The following LRP1B variants were observed in gnomAD, a reference collection of about 807,000 sequenced individuals.
LRP1B encodes LDL receptor related protein 1B.
Under a neutral mutation model 556.6 loss-of-function variants are expected in LRP1B, and 217 were observed. That is an observed-to-expected ratio of 0.39 (90% CI 0.35 to 0.44). The LOEUF is 0.44. LRP1B is among the 20% of genes least tolerant of loss of function. The pLI is 1.00. For missense variants in LRP1B, 5,053 were observed against 5,620.8 expected, an observed-to-expected ratio of 0.90 and a Z score of 3.23; for synonymous variants, 2,047 against 1,865.8, an observed-to-expected ratio of 1.10 and a Z score of -2.50.
intron 22 of LRP1B, among the ~76,000 whole-genome samples, chr2:140,905,195 T>C (rs1202344244): frequency 6.6e-6 from 1 of 152,004 alleles, no homozygotes; most frequent in Non-Finnish European, 1.5e-5. Context: ...GCACAAATGA[T>C]TTCATCCTGC....
intron 1 of LRP1B, among the ~76,000 whole-genome samples, chr2:142,072,595 ATTTT>A (rs371199816): frequency 6.6e-6 from 1 of 151,714 alleles, no homozygotes; most frequent in African/African-American, 2.4e-5. Context: ...GATTTTTGTG[ATTTT>A]TTTTGTTTAG....
At chr2:141,327,520 C>A (rs1687469370) in intron 3 of LRP1B, among the ~76,000 whole-genome samples, 1 of 152,092 alleles carries the variant, frequency 6.6e-6, no homozygotes, top group African/African-American at 2.4e-5. Context: ...GATTCAAATC[C>A]ACATCTATAT....
At chr2:141,059,309 C>G (rs984867863) in intron 8 of LRP1B, among the ~76,000 whole-genome samples, 5 of 151,574 alleles carry the variant, frequency 3.3e-5, no homozygotes, top group African/African-American at 1.2e-4. Flanking sequence ...ATTAAGAGAG[C>G]ATATTTAGTA....
rs552034984 is a variant in LRP1B at position 141,360,433 on chromosome 2, C to G, written c.344-105792G>C. 2.3e-3 allele frequency among the ~76,000 whole-genome samples: 348 copies of G among 152,238 alleles called. 1 individual carries two copies. The highest frequency in any genetic ancestry group is 7.6e-3 in the African/African-American group (315 of 41,540). ...TTGATACTTTTGTATAAACATGTAC[C>G]TATGAAAATATACAGAATGGATATG... On this transcript the variant is annotated intron_variant, in intron 3 of 90. Coordinates refer to ENST00000389484, the MANE Select transcript of LRP1B (RefSeq NM_018557.3).
At chr2:141,644,660 T>C (rs902792710) in intron 2 of LRP1B, among the ~76,000 whole-genome samples, 13 of 151,830 alleles carry the variant, frequency 8.6e-5, no homozygotes, top group African/African-American at 2.9e-4. Context: ...TTGCTTTTCA[T>C]AGAAAAGGCA....
At chr2:141,500,307 T>G (rs1048238544) in intron 2 of LRP1B, among the ~76,000 whole-genome samples, 9 of 152,256 alleles carry the variant, frequency 5.9e-5, no homozygotes, top group Admixed American at 5.9e-4. Flanking sequence ...TAAAATGATA[T>G]GTAAGCTCTC....
At chr2:140,591,778 C>A (rs912348106) in intron 43 of LRP1B, among the ~76,000 whole-genome samples, 5 of 152,096 alleles carry the variant, frequency 3.3e-5, no homozygotes, top group Non-Finnish European at 5.9e-5. Context: ...GAATTTAATT[C>A]CATTTTACAT....
At chr2:140,694,691 G>T (rs1686363787) in intron 41 of LRP1B, among the ~76,000 whole-genome samples, 1 of 152,028 alleles carries the variant, frequency 6.6e-6, no homozygotes, top group Non-Finnish European at 1.5e-5. Context: ...TTAGCTAAAA[G>T]ACTATTAAAT....
chr2:141,423,290 CTTTTTT>C (rs1176569388), intron 3 of LRP1B, among the ~76,000 whole-genome samples: 30 of 68,380 alleles, frequency 4.4e-4, no homozygotes, highest in Admixed American at 1.0e-3. Flanking sequence ...ACAGCCAGAG[CTTTTTT>C]TTTTTTTTTT....
At chr2:140,510,158 G>A (rs1422693980) in intron 51 of LRP1B, 102 bp from the exon 52 acceptor site, 48 of 1,307,366 alleles carry the variant, frequency 3.7e-5, no homozygotes, top group Non-Finnish European at 2.4e-5. Context: ...GAAGAATGTT[G>A]CTTATAAGGA....
At chr2:140,402,715 C>T (rs1335032702) in intron 66 of LRP1B, among the ~76,000 whole-genome samples, 1 of 152,168 alleles carries the variant, frequency 6.6e-6, no homozygotes, top group Middle Eastern at 3.2e-3. Context: ...CTACCCCAGC[C>T]ACCCTCATAA....
chr2:140,584,094 CAG>C, intron 43 of LRP1B, among the ~76,000 whole-genome samples: 1 of 151,926 alleles, frequency 6.6e-6, no homozygotes, highest in Non-Finnish European at 1.5e-5. Context: ...GAGTCAAACA[CAG>C]GGAAATATTG....
chr2:141,115,781 C>G (rs996823592), intron 7 of LRP1B, among the ~76,000 whole-genome samples: 2 of 151,998 alleles, frequency 1.3e-5, no homozygotes, highest in African/African-American at 4.8e-5. Flanking sequence ...CGCGCCCCAC[C>G]TGACTAGCAT....
chr2:141,003,859 A>G (rs2105371773), intron 15 of LRP1B, among the ~76,000 whole-genome samples: 1 of 152,210 alleles, frequency 6.6e-6, no homozygotes, highest in Non-Finnish European at 1.5e-5. Flanking sequence ...CATTCACTCA[A>G]TCTTACCTAC....
At chr2:141,560,504 C>A (rs956029425) in intron 2 of LRP1B, among the ~76,000 whole-genome samples, 4 of 151,538 alleles carry the variant, frequency 2.6e-5, no homozygotes, top group African/African-American at 9.7e-5. Flanking sequence ...TCAACTGATC[C>A]TTTCTCTGGC....
Position 142,005,274 on chromosome 2 carries a change from T to C in LRP1B, c.82+125374A>G, listed in dbSNP as rs151259927. On this transcript the variant is annotated intron_variant, in intron 1 of 90. Coordinates refer to ENST00000389484, the MANE Select transcript of LRP1B (RefSeq NM_018557.3). Reference sequence around the variant, plus strand: ...ATTCAATAAGGATTAACACGGAAAATTGTGTTTTTCAAATTATATAGGAAG... The same window carrying C: ...ATTCAATAAGGATTAACACGGAAAACTGTGTTTTTCAAATTATATAGGAAG... Among the ~76,000 whole-genome samples, 333 of 152,008 alleles carry C rather than the reference T, an allele frequency of 2.2e-3. 2 individuals carry two copies. The highest frequency in any genetic ancestry group is 0.017 in the Middle Eastern group (5 of 292).
chr2:140,970,914 G>GT (rs1302067202), intron 18 of LRP1B, among the ~76,000 whole-genome samples: 1 of 151,248 alleles, frequency 6.6e-6, no homozygotes, highest in Non-Finnish European at 1.5e-5. Flanking sequence ...CTAATTTTTT[G>GT]TTTTTGTTTA....
rs1210300432 is a variant in LRP1B, at chr2:140,994,075, C to T, written c.2564G>A (p.Arg855Lys). ...TTTCCACCGAGCTTGGATACAGTGT[C>T]TGTTTTTGCAGCGAAACTCTCCAGC... ...CKAGEFRCKN[R>K]HCIQARWKCD... The change falls in exon 16 of 91, where the codon AGA becomes AAA. Residue 855 changes from arginine to lysine, a missense_variant. This residue lies in a region of LRP1B where 3,619 missense variants were observed against 3,931.9 expected (regional missense o/e 0.92). Transcript: ENST00000389484. The T allele has an allele frequency of 6.2e-7, 1 of 1,612,750 alleles. No individual in the cohort carries two copies. Among genetic ancestry groups the T allele is most frequent in the East Asian group, 2.2e-5 (1 of 44,786 alleles).
intron 3 of LRP1B, among the ~76,000 whole-genome samples, chr2:141,281,439 G>A (rs900771169): frequency 1.2e-4 from 19 of 152,168 alleles, no homozygotes; most frequent in African/African-American, 4.3e-4. Flanking sequence ...AGTATAAAAT[G>A]AGTCTTATAT....
Sources: allele counts gnomAD v4.1 joint callset (sites outside exome capture counted in the v4.1 genomes callset), GRCh38; gene constraint gnomAD v4.1.1; regional missense constraint gnomAD v4.1.1; transcripts MANE v1.5; gene names NCBI Gene and HGNC (gene_info 2026-07-23, HGNC 2026-07-21).